The following GAPVD1 variants were observed in gnomAD, a reference collection of about 807,000 sequenced individuals.
GAPVD1 encodes the protein GTPase activating protein and VPS9 domains 1, also known as GTPase-activating protein and VPS9 domain-containing protein 1.
In GAPVD1, 35 loss-of-function variants were observed where a neutral mutation model predicts 155.5. The observed-to-expected ratio is 0.23, with a 90% CI of 0.17 to 0.30. The LOEUF (loss-of-function observed/expected upper bound fraction) is 0.30, where lower values mean the gene tolerates loss of function less well. Ranked by LOEUF, GAPVD1 falls within the 10% of genes least tolerant of loss-of-function variation. The pLI is 1.00. For synonymous variants in GAPVD1, 636 were observed against 619.7 expected, an observed-to-expected ratio of 1.03 and a Z score of -0.39; for missense variants, 1,429 against 1,775.7, an observed-to-expected ratio of 0.80 and a Z score of 3.51.
chr9:125,328,775 G>T (rs972348080), intron 12 of GAPVD1, among the ~76,000 whole-genome samples: 1 of 151,830 alleles, frequency 6.6e-6, no homozygotes. Context: ...CAGTAGGGGC[G>T]GCCGGGCAGA....
At chr9:125,263,669 C>G in intron 1 of GAPVD1, 1 of 941,546 alleles carries the variant, frequency 1.1e-6, no homozygotes, top group South Asian at 1.3e-5. Context: ...GCTTTCTTGT[C>G]GGCACTAAGT....
chr9:125,276,366 C>G (rs1390813039), intron 2 of GAPVD1, among the ~76,000 whole-genome samples: 3 of 152,100 alleles, frequency 2.0e-5, no homozygotes, highest in Non-Finnish European at 4.4e-5. Flanking sequence ...CAAATTTTTT[C>G]TCATTTAATA....
chr9:125,362,910 C>G lies in GAPVD1; in HGVS notation c.*164C>G. 2.2e-6 allele frequency: 1 copy of G among 462,916 alleles called. No homozygotes were observed. The highest frequency in any genetic ancestry group is 3.7e-6 in the Non-Finnish European group (1 of 270,134). The allele number at this position is 462,916 out of a possible 1,614,324, so 28.7% of individuals were successfully genotyped here. ...CTAAACAGGTTAATGAGCTAACAAG[C>G]AGGTTCTCTCGTCTTTGGGCTCTTT... On this transcript the variant is annotated 3_prime_UTR_variant, in exon 28 of 28. Transcript: ENST00000297933.
chr9:125,330,244 T>A, intron 13 of GAPVD1, 26 bp downstream of exon 13: 1 of 1,527,016 alleles, frequency 6.5e-7, no homozygotes, highest in Non-Finnish European at 8.9e-7. Flanking sequence ...TTGTTTGCTT[T>A]TTCATTTATA....
intron 2 of GAPVD1, among the ~76,000 whole-genome samples, chr9:125,279,444 G>T (rs1015705140): frequency 2.6e-5 from 4 of 151,550 alleles, no homozygotes; most frequent in African/African-American, 9.7e-5. Context: ...GGTGGCACAC[G>T]CCTGTAATCC....
intron 25 of GAPVD1, among the ~76,000 whole-genome samples, chr9:125,356,387 T>A (rs149238269): frequency 6.6e-6 from 1 of 152,192 alleles, no homozygotes; most frequent in Non-Finnish European, 1.5e-5. Context: ...ATCCCTGACC[T>A]CTACACACAA....
In GAPVD1 at chr9:125,365,948, T is replaced by C. The variant is rs907223782; in HGVS notation, c.*3202T>C. On this transcript the variant is annotated 3_prime_UTR_variant, in exon 28 of 28. Transcript: ENST00000297933. ...GCCACCGTGCCCAACCACAAAATTA[T>C]ATGTATATATATTTAAACGTGTCAA... 1 of 152,248 alleles carries C rather than the reference T, an allele frequency of 6.6e-6. No homozygotes were observed. The highest frequency in any genetic ancestry group is 1.9e-4 in the East Asian group (1 of 5,196). 9.4% of individuals were successfully genotyped at this position (152,248 alleles called of 1,614,324 possible).
chr9:125,269,069 G>A (rs1160085848), intron 2 of GAPVD1, 85 bp downstream of exon 2: 3 of 151,806 alleles, frequency 2.0e-5, no homozygotes, highest in African/African-American at 2.4e-5. Flanking sequence ...TATGTAAGTG[G>A]AATCCTTTTT....
Position 125,302,411 on chromosome 9 carries a change from T to C in GAPVD1, c.614T>C (p.Met205Thr). The change falls in exon 5 of 28, where the codon ATG (methionine) becomes ACG (threonine). Residue 205 changes from methionine to threonine, a missense_variant. Met to Thr is a moderately conservative substitution (Grantham distance 81). Transcript: ENST00000297933. Reference sequence around the variant, plus strand: ...ACAGCCACTTTACATGAGCCAATTATGCAACTGCTTGTTGAAGATGAAGAT... The same window carrying C: ...ACAGCCACTTTACATGAGCCAATTACGCAACTGCTTGTTGAAGATGAAGAT... ...FLTATLHEPI[M>T]QLLVEDEDHL... 1 of 1,613,950 alleles carries C rather than the reference T, an allele frequency of 6.2e-7. No homozygotes were observed. Among genetic ancestry groups the C allele is most frequent in the Non-Finnish European group, 8.5e-7 (1 of 1,179,904 alleles).
Position 125,296,803 on chromosome 9 carries a change from CCA to C in GAPVD1, c.-33+1231_-33+1232del, listed in dbSNP as rs747640151. Reference sequence around the variant, plus strand: ...GCCTCCTGAGTAGCTGGGATTGCAGCCACCTGCCACCACGCCTGGTGAATTTT... The same window carrying C: ...GCCTCCTGAGTAGCTGGGATTGCAGCCCTGCCACCACGCCTGGTGAATTTT... On this transcript the variant is annotated intron_variant, in intron 3 of 27. Coordinates refer to ENST00000297933, the MANE Select transcript of GAPVD1 (RefSeq NM_001282680.3). Among the ~76,000 whole-genome samples the C allele has an allele frequency of 7.9e-5, 12 of 151,908 alleles. No individual in the cohort carries two copies. In the East Asian group the frequency reaches 1.6e-3, roughly 20 times the overall value.
chr9:125,347,116 C>T (rs1255127620), intron 20 of GAPVD1, 175 bp downstream of exon 20: 1 of 657,716 alleles, frequency 1.5e-6, no homozygotes, highest in African/African-American at 1.8e-5. Flanking sequence ...GATTCTCCCA[C>T]TAGCCCTGGG....
rs947426363 is a variant in GAPVD1 at position 125,366,894 on chromosome 9, A to G, written c.*4148A>G. On this transcript the variant is annotated 3_prime_UTR_variant, in exon 28 of 28. Transcript: ENST00000297933. ...CGCATCCCACAGGCCTGAGCTCAGC[A>G]AGGGTTCAATTCAAGAGAGATGACG... 4 of 152,188 alleles carry G rather than the reference A, an allele frequency of 2.6e-5. No homozygotes were observed. The highest frequency in any genetic ancestry group is 9.6e-5 in the African/African-American group (4 of 41,452). The allele number at this position is 152,188 out of a possible 1,614,324, so 9.4% of individuals were successfully genotyped here. A position where few individuals can be genotyped will look rare whatever the true frequency, so the allele number is the denominator to read the frequency against.
chr9:125,349,540 G>C (rs1397163630), intron 21 of GAPVD1, 21 bp downstream of exon 21: 2 of 1,608,924 alleles, frequency 1.2e-6, no homozygotes, highest in Non-Finnish European at 1.7e-6. Context: ...TATAGGATTT[G>C]GGACTTTAGG....
chr9:125,343,705 G>T (rs1466437105), intron 19 of GAPVD1, among the ~76,000 whole-genome samples: 1 of 152,212 alleles, frequency 6.6e-6, no homozygotes, highest in Non-Finnish European at 1.5e-5. Context: ...CAGGCACTGT[G>T]CTAAGTGTTG....
chr9:125,296,977 A>G (rs935500543), intron 3 of GAPVD1, among the ~76,000 whole-genome samples: 12 of 152,140 alleles, frequency 7.9e-5, no homozygotes, highest in African/African-American at 2.9e-4. Context: ...TTTTTTGCTA[A>G]CTTGATGACT....
At chr9:125,287,901 C>T (rs1837960475) in intron 2 of GAPVD1, 1 of 151,138 alleles carries the variant, frequency 6.6e-6, no homozygotes, top group South Asian at 2.1e-4. Context: ...CCACCATGTC[C>T]AGCTAGTTTT....
chr9:125,278,540 A>G (rs1304647754), intron 2 of GAPVD1, among the ~76,000 whole-genome samples: 2 of 150,468 alleles, frequency 1.3e-5, no homozygotes, highest in Non-Finnish European at 3.0e-5. Context: ...AAATAAGTAA[A>G]ATGTTCACAT....
At chr9:125,335,941 C>G (rs10986709) in intron 15 of GAPVD1, among the ~76,000 whole-genome samples, 2 of 151,734 alleles carry the variant, frequency 1.3e-5, no homozygotes, top group Non-Finnish European at 2.9e-5. Context: ...GTGCTTGAGC[C>G]TAGGAGTTCA....
intron 2 of GAPVD1, among the ~76,000 whole-genome samples, chr9:125,274,589 G>A (rs1227024399): frequency 1.3e-5 from 2 of 150,030 alleles, no homozygotes; most frequent in African/African-American, 4.9e-5. Flanking sequence ...TCAGCCTCCC[G>A]AGTAGCTGGG....
Sources: gnomAD v4.1 joint callset for allele counts (sites outside exome capture counted in the v4.1 genomes callset) on GRCh38, gnomAD v4.1.1 for gene constraint, MANE v1.5 for transcripts, NCBI Gene and HGNC (gene_info 2026-07-23, HGNC 2026-07-21) for gene names.